IGF2R: variants seen among roughly 807,000 people sequenced by gnomAD.
IGF2R encodes cation-independent mannose-6-phosphate receptor.
A neutral mutation model predicts 270.6 loss-of-function variants in IGF2R; 91 were observed. That is an observed-to-expected ratio of 0.34 (90% CI 0.28 to 0.40). IGF2R has a LOEUF of 0.40. Among genes scored for constraint, IGF2R ranks in the 10% least tolerant of loss-of-function variants. The pLI is 1.00. For missense variants in IGF2R, 2,805 were observed against 3,188.3 expected, an observed-to-expected ratio of 0.88 and a Z score of 2.90; for synonymous variants, 1,316 against 1,258.9, an observed-to-expected ratio of 1.05 and a Z score of -0.96.
chr6:160,003,310 A>G (rs1784158612), intron 2 of IGF2R: 1 of 152,224 alleles, frequency 6.6e-6, no homozygotes, highest in Non-Finnish European at 1.5e-5. Flanking sequence ...TGGATATTTA[A>G]GATGATACCT....
chr6:160,057,099 G>T (rs1319991909), intron 20 of IGF2R, among the ~76,000 whole-genome samples: 1 of 152,158 alleles, frequency 6.6e-6, no homozygotes, highest in Non-Finnish European at 1.5e-5. Context: ...AAGCCCACAG[G>T]TGTTAATATG....
intron 2 of IGF2R, chr6:160,003,604 A>G (rs1033500291): frequency 2.0e-5 from 3 of 152,256 alleles, no homozygotes; most frequent in Non-Finnish European, 4.4e-5. Flanking sequence ...TTATATGTGT[A>G]CATTATATTA....
At position 160,078,298 on chromosome 6, in the gene IGF2R, C is replaced by G. The variant is rs755664067; in HGVS notation, c.5414C>G (p.Thr1805Ser). The part of the protein sequence containing the change: ...CPDEVRMDGC[T>S]LTDEQLLYSF... ...GATGAAGTGAGGATGGATGGCTGTA[C>G]CCTGACAGATGAGCAGCTCCTCTAC... Residue 1805 changes from threonine (T) to serine (S), a missense_variant, in exon 37 of 48, where the codon ACC becomes AGC. Around this residue, in one of 2 missense-constraint regions of IGF2R, gnomAD observed 1,851 missense variants for 2,207.2 expected, o/e 0.84. Transcript: ENST00000356956. 1.2e-6 allele frequency: 2 copies of G among 1,614,142 alleles called. No individual in the cohort carries two copies. Among genetic ancestry groups the G allele is most frequent in the South Asian group, 2.2e-5 (2 of 91,084 alleles).
intron 2 of IGF2R, among the ~76,000 whole-genome samples, chr6:160,001,642 G>T (rs1469082606): frequency 6.6e-6 from 1 of 151,804 alleles, no homozygotes; most frequent in Non-Finnish European, 1.5e-5. Flanking sequence ...CCTCAATGCT[G>T]GTTTAAACAA....
In IGF2R at chr6:160,078,278, A is replaced by G. The variant is rs756990031; in HGVS notation, c.5394A>G (p.Glu1798=). 6.2e-7 allele frequency: 1 copy of G among 1,614,174 alleles called. No individual in the cohort carries two copies. The highest frequency in any genetic ancestry group is 1.3e-5 in the African/African-American group (1 of 75,056). The part of the protein sequence containing the change: ...EWETPVVCPD[E]VRMDGCTLTD... Reference sequence around the variant, plus strand: ...AGACTCCTGTCGTCTGTCCTGATGAAGTGAGGATGGATGGCTGTACCCTGA... The same window carrying G: ...AGACTCCTGTCGTCTGTCCTGATGAGGTGAGGATGGATGGCTGTACCCTGA... The change falls in exon 37 of 48, where the codon GAA becomes GAG. Residue 1798 remains glutamate (E), a synonymous_variant. Transcript: ENST00000356956.
At chr6:160,048,321 GA>G in intron 17 of IGF2R, 53 bp from the exon 18 acceptor site, 1 of 1,510,816 alleles carries the variant, frequency 6.6e-7, no homozygotes, top group Non-Finnish European at 9.2e-7. Flanking sequence ...AAATAAATGA[GA>G]CTGAAATGTG....
chr6:160,095,481 T>A (rs1028627064), intron 44 of IGF2R: 8 of 152,238 alleles, frequency 5.3e-5, no homozygotes, highest in Admixed American at 5.2e-4. Context: ...TCTTTATGAA[T>A]TTTACACTTG....
intron 1 of IGF2R, among the ~76,000 whole-genome samples, chr6:159,975,611 A>G (rs1054293966): frequency 1.3e-5 from 2 of 151,224 alleles, no homozygotes; most frequent in African/African-American, 4.9e-5. Flanking sequence ...ACAAAAGACC[A>G]ATACTAGGAC....
chr6:160,031,342 T>G (rs553619406), intron 7 of IGF2R, among the ~76,000 whole-genome samples: 2 of 152,368 alleles, frequency 1.3e-5, no homozygotes, highest in East Asian at 3.9e-4. Flanking sequence ...GTTTACATAC[T>G]GTAAAGTTCA....
At chr6:160,076,195 A>T (rs1293076418) in intron 36 of IGF2R, among the ~76,000 whole-genome samples, 199 bp downstream of exon 36, 3 of 152,282 alleles carry the variant, frequency 2.0e-5, no homozygotes, top group Admixed American at 2.0e-4. Flanking sequence ...AGTTAACAGC[A>T]TATAGAAACT....
chr6:160,092,237 G>A (rs1180107472), intron 44 of IGF2R, among the ~76,000 whole-genome samples: 1 of 127,438 alleles, frequency 7.8e-6, no homozygotes, highest in African/African-American at 3.1e-5. Flanking sequence ...TCATAGCAGG[G>A]TGACACCGCT....
Position 160,061,768 on chromosome 6 carries a change from CT to C in IGF2R, c.3424del (p.Cys1142AlafsTer2). On this transcript the variant is annotated frameshift_variant, in exon 25 of 48. Coordinates refer to ENST00000356956, the MANE Select transcript of IGF2R (RefSeq NM_000876.4). LOFTEE classifies it high-confidence loss of function. ...IPGCQGSAVG[S>X]CLVSEGNSWN... The stretch of plus-strand genomic sequence containing the variant: ...GTTCTTCCAGGCAGCGCAGTGGGGT[CT>C]TGCTTAGTGTCAGAAGGCAATAGCT... 1 of 1,614,154 alleles carries C rather than the reference CT, an allele frequency of 6.2e-7. No individual in the cohort carries two copies. Among genetic ancestry groups the C allele is most frequent in the Non-Finnish European group, 8.5e-7 (1 of 1,180,028 alleles).
At chr6:160,072,075 A>G (rs908451548) in intron 32 of IGF2R, 39 bp downstream of exon 32, 1 of 1,612,160 alleles carries the variant, frequency 6.2e-7, no homozygotes, top group African/African-American at 1.3e-5. Context: ...AGCGCAGGTG[A>G]GAGACGGTGC....
chr6:159,991,400 ACG>A, intron 2 of IGF2R, 77 bp downstream of exon 2: 1 of 1,280,232 alleles, frequency 7.8e-7, no homozygotes, highest in Non-Finnish European at 1.1e-6. Flanking sequence ...GTATAGCTAT[ACG>A]TATATAGCGA....
Position 160,063,600 on chromosome 6 carries a change from C to T in IGF2R, c.3856C>T (p.Arg1286Trp), listed in dbSNP as rs1462668024. The part of the protein sequence containing the change: ...SKVVSSCQEK[R>W]EPQGFHKVAG... ...GGTGGTCTCCTCATGTCAGGAAAAG[C>T]GGGAACCGCAGGGATTTCACAAAGT... The change falls in exon 27 of 48, where the codon CGG becomes TGG. Residue 1286 changes from arginine to tryptophan, a missense_variant. Coordinates refer to ENST00000356956, the MANE Select transcript of IGF2R (RefSeq NM_000876.4). 12 of 1,614,148 alleles carry T rather than the reference C, an allele frequency of 7.4e-6. No homozygotes were observed. Among genetic ancestry groups the T allele is most frequent in the East Asian group, 2.2e-5 (1 of 44,884 alleles).
intron 32 of IGF2R, 98 bp downstream of exon 32, chr6:160,072,134 G>A: frequency 6.7e-7 from 1 of 1,498,488 alleles, no homozygotes; most frequent in Non-Finnish European, 9.1e-7. Flanking sequence ...AGAAGCTATG[G>A]GCAGCAGGCG....
intron 10 of IGF2R, among the ~76,000 whole-genome samples, chr6:160,035,830 C>T (rs1056212856): frequency 6.6e-6 from 1 of 152,148 alleles, no homozygotes; most frequent in Non-Finnish European, 1.5e-5. Context: ...TGTCGCTCCG[C>T]TGCTTTACCA....
In IGF2R at chr6:160,045,759, G is replaced by C. The variant is rs1343867966; in HGVS notation, c.1780G>C (p.Ala594Pro). The C allele has an allele frequency of 3.1e-6, 5 of 1,614,066 alleles. No individual in the cohort carries two copies. The African/African-American group carries it at 6.7e-5, about 22-fold the overall frequency. Residue 594 changes from alanine (A) to proline (P), a missense_variant, in exon 14 of 48, where the codon GCA becomes CCA. Ala to Pro is a conservative substitution (Grantham distance 27, BLOSUM62 -1). Coordinates refer to ENST00000356956, the MANE Select transcript of IGF2R (RefSeq NM_000876.4). ...CCCATTGACAGGTGATCTGGAAAGT[G>C]CACCAGTGTTGAGAACTTCTGGGGA... ...LVCKPGDLES[A>P]PVLRTSGEGG... is the part of the protein sequence containing the mutation.
chr6:160,037,315 A>G (rs1777848998), intron 10 of IGF2R, among the ~76,000 whole-genome samples: 1 of 152,220 alleles, frequency 6.6e-6, no homozygotes, highest in African/African-American at 2.4e-5. Flanking sequence ...AAAAATACTT[A>G]CATTTCCTTC....
Sources: gnomAD v4.1 joint callset for allele counts (sites outside exome capture counted in the v4.1 genomes callset) on GRCh38, gnomAD v4.1.1 for gene constraint, gnomAD v4.1.1 regional missense constraint, MANE v1.5 for transcripts, NCBI Gene and HGNC (gene_info 2026-07-23, HGNC 2026-07-21) for gene names.